Variants in GLIS3 observed in about 807,000 individuals in gnomAD.
GLIS3 encodes the protein zinc finger protein GLIS3.
Under a neutral mutation model 78.6 loss-of-function variants are expected in GLIS3, and 53 were observed. That is an observed-to-expected ratio of 0.67 (90% CI 0.54 to 0.85). GLIS3 has a LOEUF of 0.85. Among genes scored for constraint, GLIS3 ranks in the 40% least tolerant of loss-of-function variants. The pLI, the probability that GLIS3 is intolerant of heterozygous loss-of-function variation, is 0.00. For missense variants in GLIS3, 1,703 were observed against 1,231.1 expected, an observed-to-expected ratio of 1.38 and a Z score of -5.74; for synonymous variants, 684 against 509.9, an observed-to-expected ratio of 1.34 and a Z score of -4.60.
At chr9:4,317,545 A>T (rs1252972693) in intron 2 of GLIS3, among the ~76,000 whole-genome samples, 3 of 152,258 alleles carry the variant, frequency 2.0e-5, no homozygotes, top group African/African-American at 7.2e-5. Context: ...AATGGCAAAA[A>T]ATGCTAAAGT....
At chr9:3,991,759 C>G (rs932589457) in intron 4 of GLIS3, among the ~76,000 whole-genome samples, 1 of 136,612 alleles carries the variant, frequency 7.3e-6, no homozygotes, top group Non-Finnish European at 1.5e-5. Flanking sequence ...GGTGGGATCT[C>G]GGCTCACTGC....
chr9:4,408,312 T>G, the GLIS3 span, among the ~76,000 whole-genome samples: 3 of 151,920 alleles, frequency 2.0e-5, no homozygotes, highest in African/African-American at 7.3e-5. Flanking sequence ...CTATCTGCAC[T>G]CCCATGTTTG....
chr9:4,019,112 G>A (rs889773998), intron 4 of GLIS3, among the ~76,000 whole-genome samples: 11 of 152,188 alleles, frequency 7.2e-5, no homozygotes, highest in African/African-American at 2.4e-4. Context: ...GATGCGGGAT[G>A]AAGGATGGGG....
chr9:3,891,046 T>C (rs1822395874), intron 7 of GLIS3, among the ~76,000 whole-genome samples: 1 of 136,938 alleles, frequency 7.3e-6, no homozygotes, highest in Admixed American at 8.0e-5. Flanking sequence ...CTTTTAGGCT[T>C]CCACTTTTCC....
chr9:4,234,595 T>G (rs1478259677), intron 2 of GLIS3, among the ~76,000 whole-genome samples: 1 of 152,170 alleles, frequency 6.6e-6, no homozygotes, highest in African/African-American at 2.4e-5. Flanking sequence ...ACGGAAAAGT[T>G]TGAAATATTA....
chr9:4,121,904 C>T (rs1244356055), intron 3 of GLIS3, among the ~76,000 whole-genome samples: 1 of 152,200 alleles, frequency 6.6e-6, no homozygotes, highest in African/African-American at 2.4e-5. Flanking sequence ...AGGATTCTGG[C>T]CTCTAACTCC....
intron 2 of GLIS3, among the ~76,000 whole-genome samples, chr9:4,322,491 T>C (rs1381413577): frequency 6.6e-6 from 1 of 152,198 alleles, no homozygotes; most frequent in Admixed American, 6.5e-5. Context: ...TCTTCCACAA[T>C]GGTTCAACTA....
intron 2 of GLIS3, among the ~76,000 whole-genome samples, chr9:4,320,410 T>G (rs1295752537): frequency 6.6e-6 from 1 of 152,172 alleles, no homozygotes; most frequent in Admixed American, 6.5e-5. Context: ...ACTGAACTCT[T>G]ACTTTCCCCT....
chr9:4,128,769 A>C (rs187030639), intron 2 of GLIS3, among the ~76,000 whole-genome samples: 30 of 152,304 alleles, frequency 2.0e-4, no homozygotes, highest in Middle Eastern at 3.4e-3. Flanking sequence ...TCTACTCTGG[A>C]TTCATACATT....
the GLIS3 span, among the ~76,000 whole-genome samples, chr9:4,466,112 G>C: frequency 7.9e-5 from 12 of 152,088 alleles, no homozygotes; most frequent in Admixed American, 6.5e-4. Context: ...AATACCAAAA[G>C]TGAAAGAAAA....
At chr9:4,054,933 C>T (rs568297071) in intron 4 of GLIS3, among the ~76,000 whole-genome samples, 2 of 152,262 alleles carry the variant, frequency 1.3e-5, no homozygotes, top group South Asian at 4.1e-4. Flanking sequence ...TCTCCCAAGT[C>T]TTCCCACAGC....
the GLIS3 span, among the ~76,000 whole-genome samples, chr9:4,399,750 C>T: frequency 6.6e-6 from 1 of 152,102 alleles, no homozygotes; most frequent in Non-Finnish European, 1.5e-5. Flanking sequence ...ATACATGCTA[C>T]AGTGGTTCAA....
upstream of GLIS3, among the ~76,000 whole-genome samples, chr9:4,352,070 C>T (rs572411846): frequency 1.2e-4 from 18 of 152,316 alleles, 1 homozygote; most frequent in South Asian, 3.7e-3. Flanking sequence ...TAAGTACAAG[C>T]TACAGTGTTC....
the GLIS3 span, among the ~76,000 whole-genome samples, chr9:4,441,821 T>C: frequency 2.0e-5 from 3 of 152,122 alleles, no homozygotes; most frequent in Non-Finnish European, 4.4e-5. Context: ...GCCCAGGCTG[T>C]TCTAGAATCC....
At chr9:3,999,832 T>TG (rs1448830519) in intron 4 of GLIS3, among the ~76,000 whole-genome samples, 1 of 152,142 alleles carries the variant, frequency 6.6e-6, no homozygotes, top group Non-Finnish European at 1.5e-5. Context: ...AGAACAGAGC[T>TG]GGGGGACTTG....
At chr9:4,413,794 C>T in the GLIS3 span, among the ~76,000 whole-genome samples, 1 of 152,072 alleles carries the variant, frequency 6.6e-6, no homozygotes, top group East Asian at 1.9e-4. Flanking sequence ...TACTTAAAAA[C>T]CCCAAAAGAG....
intron 4 of GLIS3, among the ~76,000 whole-genome samples, chr9:4,048,447 G>A (rs1486434558): frequency 6.6e-6 from 1 of 152,046 alleles, no homozygotes; most frequent in African/African-American, 2.4e-5. Flanking sequence ...GCCATGCCAT[G>A]GCTCAGTATG....
rs986814879 is a variant in GLIS3, at chr9:4,125,671, G to A, written c.596+63C>T. On this transcript the variant is annotated intron_variant, in intron 3 of 10. Coordinates refer to ENST00000381971, the MANE Select transcript of GLIS3 (RefSeq NM_001042413.2). ...GTGTGTGTGTATTCAGAAAGAGAAC[G>A]GAAAACACTTGTGGGGTGTGTTTAT... 1.7e-5 allele frequency: 19 copies of A among 1,087,162 alleles called. 1 individual carries two copies. The highest frequency in any genetic ancestry group is 7.5e-5 in the South Asian group (6 of 79,988). The allele number at this position is 1,087,162 out of a possible 1,614,324, so 67.3% of individuals were successfully genotyped here. A position where few individuals can be genotyped will look rare whatever the true frequency, so the allele number is the denominator to read the frequency against.
At chr9:4,179,121 C>A (rs964426699) in intron 2 of GLIS3, among the ~76,000 whole-genome samples, 2 of 152,180 alleles carry the variant, frequency 1.3e-5, no homozygotes, top group Admixed American at 1.3e-4. Flanking sequence ...GCCTCGGTAT[C>A]TTCCTGCTTC....
Sources: gnomAD v4.1 joint callset for allele counts (sites outside exome capture counted in the v4.1 genomes callset) on GRCh38, gnomAD v4.1.1 for gene constraint, MANE v1.5 for transcripts, NCBI Gene and HGNC (gene_info 2026-07-23, HGNC 2026-07-21) for gene names.